TOX3: variants seen among roughly 807,000 people sequenced by gnomAD.
TOX3 encodes the protein CAG trinucleotide repeat-containing gene F9 protein.
Under a neutral mutation model 64.3 loss-of-function variants are expected in TOX3, and 22 were observed. The observed-to-expected ratio is 0.34, with a 90% CI of 0.24 to 0.49. The LOEUF (loss-of-function observed/expected upper bound fraction) is 0.49. TOX3 is among the 20% of genes least tolerant of loss of function. TOX3 has a pLI of 0.99. For missense variants in TOX3, 661 were observed against 714.4 expected (o/e 0.93, Z 0.85); for synonymous variants, 291 against 273.6 (o/e 1.06, Z -0.63).
At chr16:52,444,086 G>A (rs904774214) in intron 6 of TOX3, among the ~76,000 whole-genome samples, 190 bp downstream of exon 6, 1 of 152,122 alleles carries the variant, frequency 6.6e-6, no homozygotes, top group Non-Finnish European at 1.5e-5. Flanking sequence ...CTTAGACTCA[G>A]CTGCTTAAAT....
At chr16:52,462,345 C>A (rs2058416598) in intron 3 of TOX3, among the ~76,000 whole-genome samples, 1 of 152,004 alleles carries the variant, frequency 6.6e-6, no homozygotes, top group African/African-American at 2.4e-5. Context: ...TTTTATGATT[C>A]CATCTTTAGT....
chr16:52,474,704 A>G (rs1257811078), intron 1 of TOX3, among the ~76,000 whole-genome samples: 2 of 151,936 alleles, frequency 1.3e-5, no homozygotes, highest in Non-Finnish European at 2.9e-5. Flanking sequence ...AAAGAAAGAG[A>G]AAGTAAGAGA....
chr16:52,537,878 T>TAAAAAAAAAAAAAAAAAAAAAA (rs57403617), intron 1 of TOX3, among the ~76,000 whole-genome samples: 13 of 111,000 alleles, frequency 1.2e-4, no homozygotes, highest in South Asian at 3.1e-4. Context: ...GCTGATATGA[T>TAAAAAAAAAAAAAAAAAAAAAA]AAAAAAAAAA....
intron 1 of TOX3, among the ~76,000 whole-genome samples, chr16:52,513,941 C>A (rs1459850733): frequency 6.6e-6 from 1 of 152,132 alleles, no homozygotes; most frequent in African/African-American, 2.4e-5. Context: ...AGATGTCTAG[C>A]ATAATTTGAA....
chr16:52,538,969 CT>C (rs898123390), intron 1 of TOX3, among the ~76,000 whole-genome samples: 17 of 147,788 alleles, frequency 1.2e-4, no homozygotes, highest in Admixed American at 2.0e-4. Context: ...CAGGATTTTT[CT>C]TTTTTTTTTA....
chr16:52,517,618 G>A (rs1292795886), intron 1 of TOX3, among the ~76,000 whole-genome samples: 1 of 151,978 alleles, frequency 6.6e-6, no homozygotes, highest in African/African-American at 2.4e-5. Flanking sequence ...TAGACTACAT[G>A]CATCTTACCT....
chr16:52,499,130 C>T (rs1961934618), intron 1 of TOX3, among the ~76,000 whole-genome samples: 2 of 152,160 alleles, frequency 1.3e-5, no homozygotes, highest in Admixed American at 1.3e-4. Context: ...TAACACAAAG[C>T]TACTAATATG....
At chr16:52,457,430 C>T (rs182450405) in intron 3 of TOX3, among the ~76,000 whole-genome samples, 32 of 152,076 alleles carry the variant, frequency 2.1e-4, no homozygotes, top group Non-Finnish European at 3.7e-4. Flanking sequence ...CATAACGATC[C>T]AATATTAGGT....
chr16:52,465,671 C>T (rs1275950365), intron 2 of TOX3, among the ~76,000 whole-genome samples: 1 of 151,408 alleles, frequency 6.6e-6, no homozygotes, highest in Non-Finnish European at 1.5e-5. Context: ...TTCAAGCTAT[C>T]AATCATGATA....
intron 2 of TOX3, among the ~76,000 whole-genome samples, chr16:52,465,473 T>TG (rs1053560661): frequency 9.3e-5 from 13 of 139,972 alleles, no homozygotes; most frequent in African/African-American, 3.1e-4. Context: ...CTTTTTGGTT[T>TG]TTTTTTTTTT....
At chr16:52,475,028 C>T (rs13339469) in intron 1 of TOX3, among the ~76,000 whole-genome samples, 9,547 of 152,104 alleles carry the variant, frequency 0.063, 860 homozygotes, top group African/African-American at 0.2. Flanking sequence ...TCCCAGGGTT[C>T]GTTCACTCCC....
At chr16:52,494,346 G>T (rs1332391824) in intron 1 of TOX3, among the ~76,000 whole-genome samples, 1 of 152,158 alleles carries the variant, frequency 6.6e-6, no homozygotes, top group African/African-American at 2.4e-5. Flanking sequence ...CCCCAACTGG[G>T]TGTTAAAACC....
At chr16:52,494,686 G>A (rs1961790423) in intron 1 of TOX3, among the ~76,000 whole-genome samples, 1 of 152,182 alleles carries the variant, frequency 6.6e-6, no homozygotes, top group Non-Finnish European at 1.5e-5. Context: ...AACATTTTGA[G>A]GATGTTTCTA....
intron 1 of TOX3, among the ~76,000 whole-genome samples, chr16:52,495,169 A>C (rs1195396953): frequency 1.3e-5 from 2 of 152,214 alleles, no homozygotes; most frequent in Non-Finnish European, 2.9e-5. Flanking sequence ...CAATGTAACA[A>C]AACCCCTTTT....
At chr16:52,444,541 T>C in intron 5 of TOX3, 185 bp from the exon 6 acceptor site, 1 of 357,470 alleles carries the variant, frequency 2.8e-6, no homozygotes. Flanking sequence ...ACACGGATAT[T>C]AAAACAAAAC....
At chr16:52,518,335 A>C (rs919463616) in intron 1 of TOX3, among the ~76,000 whole-genome samples, 2 of 152,338 alleles carry the variant, frequency 1.3e-5, no homozygotes, top group South Asian at 4.1e-4. Context: ...CCAGAGCTGT[A>C]TAAATTTGAT....
rs1391231979 is a variant in TOX3 at position 52,436,592 on chromosome 16, C to A, written c.*2633G>T. 1.3e-5 allele frequency among the ~76,000 whole-genome samples: 2 copies of A among 152,066 alleles called. No individual in the cohort carries two copies. The highest frequency in any genetic ancestry group is 4.8e-5 in the African/African-American group (2 of 41,400). On this transcript the variant is annotated 3_prime_UTR_variant, in exon 7 of 7. Coordinates refer to ENST00000219746, the MANE Select transcript of TOX3 (RefSeq NM_001080430.4). ...AATTTGGTAACAAGGTTGAGGAATT[C>A]TTTTCATGATTCAAGCCTTTTGACA...
chr16:52,507,028 G>C (rs1452731550), intron 1 of TOX3, among the ~76,000 whole-genome samples: 2 of 152,194 alleles, frequency 1.3e-5, no homozygotes, highest in Admixed American at 1.3e-4. Flanking sequence ...TGAAAGTGAA[G>C]AGACCCATAG....
rs746837369 is a variant in TOX3 at position 52,477,506 on chromosome 16, C to T, written c.88-8932G>A. On this transcript the variant is annotated intron_variant, in intron 1 of 6. Transcript: ENST00000219746. ...GGCAGGAGGTTGAAAGTGTCTAGAC[C>T]GGGCAGAGGCAACAGTAGGGAGAAC... Among the ~76,000 whole-genome samples the T allele has an allele frequency of 9.2e-5, 14 of 152,218 alleles. No individual in the cohort carries two copies. In the South Asian group the frequency reaches 1.0e-3, roughly 11 times the overall value.
Sources: allele counts gnomAD v4.1 joint callset (sites outside exome capture counted in the v4.1 genomes callset), GRCh38; gene constraint gnomAD v4.1.1; transcripts MANE v1.5; gene names NCBI Gene and HGNC (gene_info 2026-07-23, HGNC 2026-07-21).